Variants in PDLIM1 observed in about 807,000 individuals in gnomAD.
PDLIM1 encodes the protein PDZ and LIM domain protein 1.
A neutral mutation model predicts 35.2 loss-of-function variants in PDLIM1; 25 were observed. That is an observed-to-expected ratio of 0.71 (90% confidence interval 0.52 to 0.99). PDLIM1 has a LOEUF of 0.99. PDLIM1 is among the 50% of genes least tolerant of loss of function. The pLI is 0.00. For synonymous variants in PDLIM1, 152 were observed against 154.0 expected, an observed-to-expected ratio of 0.99 and a Z score of 0.10; for missense variants, 363 against 415.3, an observed-to-expected ratio of 0.87 and a Z score of 1.09.
intron 1 of PDLIM1, among the ~76,000 whole-genome samples, chr10:95,285,811 G>A (rs761578964): frequency 1.1e-4 from 17 of 152,080 alleles, no homozygotes; most frequent in Non-Finnish European, 2.4e-4. Context: ...CACAAAATAC[G>A]TGTGAAGATC....
intron 5 of PDLIM1, among the ~76,000 whole-genome samples, chr10:95,241,049 G>A (rs1000359280): frequency 2.0e-5 from 3 of 150,882 alleles, no homozygotes; most frequent in African/African-American, 7.3e-5. Context: ...CACTGGACAA[G>A]AGCAAAGAAA....
At chr10:95,253,428 G>T (rs994649869) in intron 4 of PDLIM1, among the ~76,000 whole-genome samples, 1 of 152,182 alleles carries the variant, frequency 6.6e-6, no homozygotes, top group Non-Finnish European at 1.5e-5. Flanking sequence ...GCCAGGCATG[G>T]TGGCTCACCT....
chr10:95,269,535 G>T (rs2035444312), intron 2 of PDLIM1, among the ~76,000 whole-genome samples: 1 of 145,286 alleles, frequency 6.9e-6, no homozygotes, highest in African/African-American at 2.5e-5. Context: ...TAGCACCACT[G>T]CACTTCAGCC....
chr10:95,262,008 C>CA lies in PDLIM1; in HGVS notation c.533+1855dup, dbSNP rs11344355. On this transcript the variant is annotated intron_variant, in intron 4 of 6. Transcript: ENST00000329399. ...AGGCAACAAGAGTGAAACTCCGTCTCAAAAAAAAAAAAAAAGAAAGAAAGA... is the reference window on the plus strand; with the variant it reads ...AGGCAACAAGAGTGAAACTCCGTCTCAAAAAAAAAAAAAAAAGAAAGAAAGA... 2.0e-3 allele frequency among the ~76,000 whole-genome samples: 234 copies of CA among 119,972 alleles called. 4 individuals carry two copies. In the South Asian group the frequency reaches 0.033, roughly 17 times the overall value. 78.7% of individuals were successfully genotyped at this position (119,972 alleles called of 152,430 possible). A position where few individuals can be genotyped will look rare whatever the true frequency, so the allele number is the denominator to read the frequency against.
intron 4 of PDLIM1, among the ~76,000 whole-genome samples, chr10:95,258,658 G>T (rs540037554): frequency 6.6e-6 from 1 of 152,296 alleles, no homozygotes; most frequent in South Asian, 2.1e-4. Context: ...GTTGCTAGGG[G>T]CTTGAGAGAT....
At position 95,258,403 on chromosome 10, in the gene PDLIM1, G is replaced by A. The variant is rs142158249; in HGVS notation, c.533+5461C>T. On this transcript the variant is annotated intron_variant, in intron 4 of 6. Transcript: ENST00000329399. ...TGTAATCCCAGCTACTCGGGAGGCT[G>A]AGGCAGAGAATTGCTTAAACCTGGA... is the stretch of plus-strand genomic sequence containing the variant. Among the ~76,000 whole-genome samples, 270 of 152,244 alleles carry A rather than the reference G, an allele frequency of 1.8e-3. 1 individual carries two copies. The highest frequency in any genetic ancestry group is 3.0e-3 in the Non-Finnish European group (205 of 68,010).
intron 4 of PDLIM1, among the ~76,000 whole-genome samples, chr10:95,250,464 C>T (rs1163480226): frequency 6.6e-6 from 1 of 151,860 alleles, no homozygotes; most frequent in African/African-American, 2.4e-5. Context: ...GGTATTGATA[C>T]ACCTGACTCA....
At chr10:95,276,231 T>C (rs991951210) in intron 1 of PDLIM1, among the ~76,000 whole-genome samples, 1 of 152,198 alleles carries the variant, frequency 6.6e-6, no homozygotes, top group Admixed American at 6.5e-5. Flanking sequence ...GGCTCTCTCA[T>C]TGCAAATTCC....
In PDLIM1 at chr10:95,237,915, A is replaced by T. The variant is rs1259698148; in HGVS notation, c.*10T>A. The T allele has an allele frequency of 1.2e-6, 2 of 1,612,740 alleles. No homozygotes were observed. Among genetic ancestry groups the T allele is most frequent in the South Asian group, 2.2e-5 (2 of 90,928 alleles). The stretch of plus-strand genomic sequence containing the variant: ...AGGCCTGCTGGAGAACAGTGGTCAG[A>T]TCTGCTGGCTCACTTGGGGAACACA... On this transcript the variant is annotated 3_prime_UTR_variant, in exon 7 of 7. Coordinates refer to ENST00000329399, the MANE Select transcript of PDLIM1 (RefSeq NM_020992.4).
chr10:95,255,303 T>C (rs1173870788), intron 4 of PDLIM1, among the ~76,000 whole-genome samples: 2 of 142,080 alleles, frequency 1.4e-5, no homozygotes, highest in Non-Finnish European at 3.0e-5. Context: ...ACTATTACCC[T>C]GATACCAAAA....
chr10:95,271,891 G>C, intron 1 of PDLIM1, 107 bp from the exon 2 acceptor site: 3 of 974,962 alleles, frequency 3.1e-6, no homozygotes, highest in Non-Finnish European at 4.6e-6. Flanking sequence ...AAAAAGAAAA[G>C]AGGGCTGAAA....
chr10:95,266,641 T>G (rs1485587308), intron 3 of PDLIM1, among the ~76,000 whole-genome samples: 1 of 152,184 alleles, frequency 6.6e-6, no homozygotes, highest in Non-Finnish European at 1.5e-5. Flanking sequence ...GTGGCACATA[T>G]TCAACCAGGG....
intron 1 of PDLIM1, among the ~76,000 whole-genome samples, chr10:95,281,396 C>T (rs1410595): frequency 0.27 from 41,498 of 152,012 alleles, 6,696 homozygotes; most frequent in Middle Eastern, 0.45. Context: ...CCGGGCAACA[C>T]AGTGGGACCC....
chr10:95,247,750 T>C (rs936017596), intron 4 of PDLIM1: 1 of 162,280 alleles, frequency 6.2e-6, no homozygotes, highest in Admixed American at 6.4e-5. Context: ...CGGGTCCCCC[T>C]TGTATGGGCC....
At chr10:95,276,852 A>C (rs2035515299) in intron 1 of PDLIM1, among the ~76,000 whole-genome samples, 1 of 145,176 alleles carries the variant, frequency 6.9e-6, no homozygotes, top group African/African-American at 2.5e-5. Flanking sequence ...CTGACCATCA[A>C]GTTCCATCAG....
Position 95,275,813 on chromosome 10 carries a change from C to T in PDLIM1, c.97-4029G>A, listed in dbSNP as rs1465263306. 2.6e-5 allele frequency among the ~76,000 whole-genome samples: 4 copies of T among 152,228 alleles called. No homozygotes were observed. In the East Asian group the frequency reaches 7.7e-4, roughly 29 times the overall value. On this transcript the variant is annotated intron_variant, in intron 1 of 6. Coordinates refer to ENST00000329399, the MANE Select transcript of PDLIM1 (RefSeq NM_020992.4). ...TAAGTATATCCCAACAGGTCCTGGA[C>T]AAGCTAGAACCAGTCTTAGGCGCCC...
chr10:95,283,015 C>T, intron 1 of PDLIM1, among the ~76,000 whole-genome samples: 1 of 152,160 alleles, frequency 6.6e-6, no homozygotes, highest in East Asian at 1.9e-4. Flanking sequence ...ATAGCTCCAA[C>T]AGCTACCACC....
intron 1 of PDLIM1, among the ~76,000 whole-genome samples, chr10:95,277,335 T>C (rs1040462792): frequency 1.3e-5 from 2 of 151,692 alleles, no homozygotes; most frequent in Non-Finnish European, 2.9e-5. Context: ...TAAGAATAAA[T>C]GGGGACAGGC....
chr10:95,281,640 G>A (rs1270297000), intron 1 of PDLIM1, among the ~76,000 whole-genome samples: 1 of 152,162 alleles, frequency 6.6e-6, no homozygotes, highest in Non-Finnish European at 1.5e-5. Flanking sequence ...TGCAAATGAA[G>A]CATTGCATAA....
Sources: gnomAD v4.1 joint callset for allele counts (sites outside exome capture counted in the v4.1 genomes callset) on GRCh38, gnomAD v4.1.1 for gene constraint, MANE v1.5 for transcripts, NCBI Gene and HGNC (gene_info 2026-07-23, HGNC 2026-07-21) for gene names.